Variants in MTMR1 observed in about 807,000 individuals in gnomAD.
MTMR1 encodes the protein phosphatidylinositol-3-phosphate phosphatase MTMR1.
A neutral mutation model predicts 51.6 loss-of-function variants in MTMR1; 17 were observed. The observed-to-expected ratio is 0.33, with a 90% CI of 0.23 to 0.49. The LOEUF (loss-of-function observed/expected upper bound fraction) is 0.49. Ranked by LOEUF, MTMR1 falls within the 20% of genes least tolerant of loss-of-function variation. The pLI, the probability that MTMR1 is intolerant of heterozygous loss-of-function variation, is 0.99. For missense variants in MTMR1, 386 were observed against 526.9 expected (o/e 0.73, Z 2.62); for synonymous variants, 201 against 205.6 (o/e 0.98, Z 0.19).
intron 9 of MTMR1, among the ~76,000 whole-genome samples, chrX:150,732,248 G>A (rs2042139498): frequency 8.9e-6 from 1 of 111,866 alleles, no homozygotes; most frequent in Admixed American, 9.5e-5. Context: ...AATCAAATTG[G>A]AATGGGGCTA....
In MTMR1 at chrX:150,696,723, CTT is replaced by C. The variant is rs1229289571; in HGVS notation, c.147-2469_147-2468del. 3.6e-5 allele frequency among the ~76,000 whole-genome samples: 3 copies of C among 84,297 alleles called. No individual in the cohort carries two copies. In the Admixed American group the frequency reaches 4.8e-4, roughly 13 times the overall value. 73.2% of individuals were successfully genotyped at this position (84,297 alleles called of 115,157 possible). On this transcript the variant is annotated intron_variant, in intron 1 of 15. Transcript: ENST00000445323. ...ACTCCCCATCTCTCTCTCCCTCTCT[CTT>C]TTATTTTCCCTCACTTTTTAATCGC... is the stretch of plus-strand genomic sequence containing the variant.
chrX:150,719,281 G>T (rs1557416513), intron 4 of MTMR1, among the ~76,000 whole-genome samples: 1 of 111,400 alleles, frequency 9.0e-6, no homozygotes, highest in Non-Finnish European at 1.9e-5. Context: ...TCATCACTTG[G>T]TTGGGTTGGA....
chrX:150,700,630 G>A (rs1296883794), intron 2 of MTMR1, among the ~76,000 whole-genome samples: 1 of 112,728 alleles, frequency 8.9e-6, no homozygotes, highest in African/African-American at 3.2e-5. Context: ...GTGAATGGCT[G>A]GTCACTGAGC....
chrX:150,731,685 T>A, intron 9 of MTMR1, 66 bp downstream of exon 9: 1 of 981,819 alleles, frequency 1.0e-6, no homozygotes, highest in Non-Finnish European at 1.3e-6. Context: ...TGGAGAGATT[T>A]AAGACAAAAA....
intron 14 of MTMR1, among the ~76,000 whole-genome samples, chrX:150,752,624 GTTTTT>G (rs782406235): frequency 0.035 from 2,036 of 57,430 alleles, 28 homozygotes; most frequent in African/African-American, 0.096. Context: ...GCTTTATCTT[GTTTTT>G]TTTTTTTTTT....
intron 15 of MTMR1, among the ~76,000 whole-genome samples, chrX:150,758,618 C>T (rs908460418): frequency 9.0e-6 from 1 of 111,269 alleles, no homozygotes; most frequent in African/African-American, 3.3e-5. Context: ...TGGCAAAACC[C>T]TGTCTCTACT....
At chrX:150,747,514 G>A (rs962966871) in intron 13 of MTMR1, among the ~76,000 whole-genome samples, 11 of 111,528 alleles carry the variant, frequency 9.9e-5, no homozygotes, top group African/African-American at 2.0e-4. Flanking sequence ...ATGTATTTTC[G>A]GAAATCGTAC....
At position 150,736,579 on chromosome X, in the gene MTMR1, G is replaced by A. The variant is rs2042275481; in HGVS notation, c.1081-16G>A. The A allele has an allele frequency of 5.9e-6, 7 of 1,195,605 alleles. No individual in the cohort carries two copies. The highest frequency in any genetic ancestry group is 6.8e-6 in the Non-Finnish European group (6 of 885,487). On this transcript the variant is annotated splice_polypyrimidine_tract_variant and intron_variant, in intron 10 of 15. Transcript: ENST00000445323. ...TAATTCCAGATAATGTGATGTATTT[G>A]TTTTGTTTTTCGTAGACAAAGGGTG...
chrX:150,742,279 C>T (rs969471975), intron 12 of MTMR1, among the ~76,000 whole-genome samples: 9 of 111,771 alleles, frequency 8.1e-5, no homozygotes, highest in Non-Finnish European at 1.1e-4. Flanking sequence ...TGGCATGTGA[C>T]TATACTGAAT....
At chrX:150,736,392 C>T (rs1452060797) in intron 10 of MTMR1, 1 of 387,824 alleles carries the variant, frequency 2.6e-6, no homozygotes, top group African/African-American at 2.5e-5. Context: ...GCCTCCAGAA[C>T]TAGGAGAGAA....
intron 4 of MTMR1, among the ~76,000 whole-genome samples, chrX:150,719,676 A>C (rs2148599600): frequency 8.9e-6 from 1 of 112,139 alleles, no homozygotes; most frequent in South Asian, 3.7e-4. Flanking sequence ...ACAGGCGTAA[A>C]ATGTAAAATG....
intron 14 of MTMR1, among the ~76,000 whole-genome samples, chrX:150,752,513 AAG>A (rs1445267164): frequency 1.8e-5 from 2 of 111,741 alleles, no homozygotes; most frequent in African/African-American, 6.5e-5. Context: ...ACATTTTTAA[AAG>A]AGTGAGTTTT....
intron 12 of MTMR1, among the ~76,000 whole-genome samples, chrX:150,740,278 C>G (rs1557417277): frequency 9.0e-6 from 1 of 110,605 alleles, no homozygotes; most frequent in Non-Finnish European, 1.9e-5. Context: ...ACAATGCCCG[C>G]CCCCCCACAA....
chrX:150,694,485 T>C (rs1054277108), intron 1 of MTMR1, among the ~76,000 whole-genome samples: 9 of 111,530 alleles, frequency 8.1e-5, no homozygotes, highest in African/African-American at 2.9e-4. Context: ...GACACCAGAG[T>C]GCACTCAGGC....
chrX:150,719,597 T>C (rs1275352965), intron 4 of MTMR1, among the ~76,000 whole-genome samples: 1 of 112,303 alleles, frequency 8.9e-6, no homozygotes, highest in Non-Finnish European at 1.9e-5. Flanking sequence ...TACTGTTTTC[T>C]TAATGATCTG....
chrX:150,712,122 T>A (rs956486378), intron 2 of MTMR1, among the ~76,000 whole-genome samples: 1 of 112,081 alleles, frequency 8.9e-6, no homozygotes, highest in African/African-American at 3.2e-5. Context: ...AACATGTTTC[T>A]CCAAATCATA....
rs1378899867 is a variant in MTMR1, at chrX:150,742,414, C to T, written c.1474-1947C>T. Among the ~76,000 whole-genome samples, 4 of 111,677 alleles carry T rather than the reference C, an allele frequency of 3.6e-5. No individual in the cohort carries two copies. In the South Asian group the frequency reaches 1.1e-3, roughly 31 times the overall value. On this transcript the variant is annotated intron_variant, in intron 12 of 15. Coordinates refer to ENST00000445323, the MANE Select transcript of MTMR1 (RefSeq NM_001306144.3). ...GATATGCAGTCATCATTGACTGAAA[C>T]GTCGTTATGTGGCACAGTTAAGTGG...
Position 150,764,945 on chromosome X carries a change from T to TA in MTMR1, c.*2218dup, listed in dbSNP as rs201073880. On this transcript the variant is annotated 3_prime_UTR_variant, in exon 16 of 16. Coordinates refer to ENST00000445323, the MANE Select transcript of MTMR1 (RefSeq NM_001306144.3). ...TGTTTGCTCCCTGGTCTTTTTTAAG[T>TA]AAGTAAGTAAGTATCTTAGTAGATT... 3.6e-5 allele frequency: 4 copies of TA among 110,305 alleles called. No individual in the cohort carries two copies. The South Asian group carries it at 1.1e-3, about 32-fold the overall frequency. 9.1% of individuals were successfully genotyped at this position (110,305 alleles called of 1,213,427 possible).
intron 2 of MTMR1, among the ~76,000 whole-genome samples, chrX:150,707,652 AAC>A (rs1557416099): frequency 8.9e-6 from 1 of 112,568 alleles, no homozygotes; most frequent in Non-Finnish European, 1.9e-5. Context: ...CCACTCTGGA[AAC>A]ACAGTCTGGC....
Sources: gnomAD v4.1 joint callset for allele counts (sites outside exome capture counted in the v4.1 genomes callset) on GRCh38, gnomAD v4.1.1 for gene constraint, MANE v1.5 for transcripts, NCBI Gene and HGNC (gene_info 2026-07-23, HGNC 2026-07-21) for gene names.